The following GRIN3A variants were observed in gnomAD, a reference collection of about 807,000 sequenced individuals.
GRIN3A encodes glutamate ionotropic receptor NMDA type subunit 3A.
A neutral mutation model predicts 92.4 loss-of-function variants in GRIN3A; 47 were observed. That is an observed-to-expected ratio of 0.51 (90% CI 0.40 to 0.65). The LOEUF is 0.65. GRIN3A is among the 30% of genes least tolerant of loss of function. The pLI, the probability that GRIN3A is intolerant of heterozygous loss-of-function variation, is 0.00. For synonymous variants in GRIN3A, 527 were observed against 540.6 expected (o/e 0.97, Z 0.35); for missense variants, 1,324 against 1,393.1 (o/e 0.95, Z 0.79).
chr9:101,619,049 AC>A (rs1259850126), intron 5 of GRIN3A, among the ~76,000 whole-genome samples: 1 of 152,194 alleles, frequency 6.6e-6, no homozygotes, highest in Non-Finnish European at 1.5e-5. Context: ...TGATCTTTTC[AC>A]CATGGATAAA....
intron 3 of GRIN3A, among the ~76,000 whole-genome samples, chr9:101,644,381 G>A (rs982741597): frequency 1.4e-5 from 2 of 145,834 alleles, no homozygotes; most frequent in African/African-American, 5.0e-5. Context: ...GTTAGGACTT[G>A]TTCAAGATCA....
chr9:101,708,201 A>T (rs1174664161), intron 1 of GRIN3A, among the ~76,000 whole-genome samples: 1 of 152,200 alleles, frequency 6.6e-6, no homozygotes, highest in Non-Finnish European at 1.5e-5. Context: ...CGCTAATAGT[A>T]GTCAATGGAT....
chr9:101,598,751 C>CACTA (rs1828173581), intron 6 of GRIN3A, among the ~76,000 whole-genome samples: 1 of 152,182 alleles, frequency 6.6e-6, no homozygotes, highest in African/African-American at 2.4e-5. Context: ...AACAACACTC[C>CACTA]TCATGTAGTG....
intron 1 of GRIN3A, among the ~76,000 whole-genome samples, chr9:101,704,142 G>A (rs768969665): frequency 1.5e-5 from 2 of 134,922 alleles, no homozygotes; most frequent in Non-Finnish European, 3.3e-5. Context: ...AAGATGAGAC[G>A]TTTTAGCTGT....
rs1369473903 is a variant in GRIN3A, at chr9:101,623,291, A to T, written c.2614+27T>A. On this transcript the variant is annotated intron_variant, in intron 5 of 8. Transcript: ENST00000361820. Reference sequence around the variant, plus strand: ...GCAAACTGAGCACATCCTGAGTAAAAGTGAATCAAGAGTGACTGATTAATA... The same window carrying T: ...GCAAACTGAGCACATCCTGAGTAAATGTGAATCAAGAGTGACTGATTAATA... 4 of 1,480,790 alleles carry T rather than the reference A, an allele frequency of 2.7e-6. No individual in the cohort carries two copies. The South Asian group carries it at 4.5e-5, about 17-fold the overall frequency. 91.7% of individuals were successfully genotyped at this position (1,480,790 alleles called of 1,614,324 possible).
At chr9:101,617,730 G>A (rs1429013686) in intron 5 of GRIN3A, among the ~76,000 whole-genome samples, 1 of 147,758 alleles carries the variant, frequency 6.8e-6, no homozygotes, top group Admixed American at 6.6e-5. Flanking sequence ...CATGTGCCAC[G>A]CTGGTGCGCT....
intron 1 of GRIN3A, among the ~76,000 whole-genome samples, chr9:101,713,204 A>G (rs564031778): frequency 3.9e-5 from 6 of 152,276 alleles, no homozygotes; most frequent in African/African-American, 1.4e-4. Flanking sequence ...GAACATTTTT[A>G]TTATTTAATG....
chr9:101,656,318 A>G (rs1017237364), intron 3 of GRIN3A, among the ~76,000 whole-genome samples: 2 of 151,984 alleles, frequency 1.3e-5, no homozygotes, highest in Non-Finnish European at 2.9e-5. Flanking sequence ...CTAAAATTGT[A>G]GCTGGCAAGC....
chr9:101,579,585 GAAATAA>G (rs915944525), intron 6 of GRIN3A, among the ~76,000 whole-genome samples: 1 of 149,420 alleles, frequency 6.7e-6, no homozygotes, highest in African/African-American at 2.4e-5. Context: ...TAGAGGGTGA[GAAATAA>G]AAATAAAATT....
chr9:101,720,395 A>G (rs1180179935), intron 1 of GRIN3A, among the ~76,000 whole-genome samples: 3 of 152,218 alleles, frequency 2.0e-5, no homozygotes, highest in African/African-American at 7.2e-5. Context: ...TTATAAACTG[A>G]GGCTCAGAGA....
chr9:101,631,610 T>G (rs909959818), intron 3 of GRIN3A, among the ~76,000 whole-genome samples: 5 of 152,196 alleles, frequency 3.3e-5, no homozygotes, highest in African/African-American at 1.2e-4. Flanking sequence ...CTCAGAATTC[T>G]GCTGGAGGAC....
At chr9:101,578,058 C>CA (rs1827848359) in intron 7 of GRIN3A, among the ~76,000 whole-genome samples, 1 of 151,824 alleles carries the variant, frequency 6.6e-6, no homozygotes, top group Non-Finnish European at 1.5e-5. Flanking sequence ...CCTGGAGAAA[C>CA]AAAAAAGTGT....
intron 1 of GRIN3A, among the ~76,000 whole-genome samples, chr9:101,692,976 C>T (rs1473152615): frequency 6.6e-6 from 1 of 151,994 alleles, no homozygotes; most frequent in Non-Finnish European, 1.5e-5. Flanking sequence ...GTCCCTAGTG[C>T]CTTATGCATA....
At chr9:101,596,271 A>G (rs554143657) in intron 6 of GRIN3A, among the ~76,000 whole-genome samples, 13 of 152,310 alleles carry the variant, frequency 8.5e-5, no homozygotes, top group Admixed American at 2.0e-4. Context: ...ATGATAATCC[A>G]TGGATATGTT....
In GRIN3A at chr9:101,738,325, G is replaced by T; in HGVS notation, c.-346C>A. 3.0e-6 allele frequency: 1 copy of T among 338,572 alleles called. No individual in the cohort carries two copies. Among genetic ancestry groups the T allele is most frequent in the South Asian group, 3.3e-5 (1 of 30,610 alleles). The allele number at this position is 338,572 out of a possible 1,614,324, so 21.0% of individuals were successfully genotyped here. A position where few individuals can be genotyped will look rare whatever the true frequency, so the allele number is the denominator to read the frequency against. On this transcript the variant is annotated 5_prime_UTR_variant, in exon 1 of 9. Transcript: ENST00000361820. ...CCTCGGGCACTGCGTCCGGCCCCGC[G>T]AGGCGGCCGGGATGAGAAGCAGCCG...
chr9:101,603,835 G>A (rs370115571), intron 6 of GRIN3A, among the ~76,000 whole-genome samples: 3 of 152,200 alleles, frequency 2.0e-5, no homozygotes, highest in East Asian at 1.9e-4. Flanking sequence ...ACAATTTCAC[G>A]CCTCAGTGTT....
intron 6 of GRIN3A, among the ~76,000 whole-genome samples, chr9:101,587,819 G>A (rs1057057482): frequency 6.6e-6 from 1 of 152,190 alleles, no homozygotes; most frequent in Non-Finnish European, 1.5e-5. Context: ...AAAGAAAAAG[G>A]CTGTGGTGCT....
chr9:101,697,484 A>G (rs1275860187), intron 1 of GRIN3A, among the ~76,000 whole-genome samples: 1 of 152,210 alleles, frequency 6.6e-6, no homozygotes, highest in Non-Finnish European at 1.5e-5. Context: ...TGTGTCTTTC[A>G]GGAAGGTCTA....
Position 101,737,473 on chromosome 9 carries a change from A to G in GRIN3A, c.507T>C (p.Pro169=). 6.2e-7 allele frequency: 1 copy of G among 1,614,226 alleles called. No individual in the cohort carries two copies. Among genetic ancestry groups the G allele is most frequent in the South Asian group, 1.1e-5 (1 of 91,082 alleles). ...GDLPLLPFSS[P]SSPWSSDPFS... is the part of the protein sequence containing the mutation. ...AAGGGTCACTGCTCCATGGCGAACT[A>G]GGGGAGGAGAAGGGCAAAAGTGGCA... Residue 169 remains proline, a synonymous_variant, in exon 1 of 9, where the codon CCT becomes CCC. Coordinates refer to ENST00000361820, the MANE Select transcript of GRIN3A (RefSeq NM_133445.3).
Sources: gnomAD v4.1 joint callset for allele counts (sites outside exome capture counted in the v4.1 genomes callset) on GRCh38, gnomAD v4.1.1 for gene constraint, MANE v1.5 for transcripts, NCBI Gene and HGNC (gene_info 2026-07-23, HGNC 2026-07-21) for gene names.